The following NSL1 variants were observed in gnomAD, a reference collection of about 807,000 sequenced individuals.
NSL1 encodes NSL1 component of MIS12 kinetochore complex.
A neutral mutation model predicts 25.4 loss-of-function variants in NSL1; 11 were observed. The ratio of observed to expected loss-of-function variants is 0.43; its 90% confidence interval spans 0.27 to 0.72. The LOEUF (loss-of-function observed/expected upper bound fraction) is 0.72. Among genes scored for constraint, NSL1 ranks in the 30% least tolerant of loss-of-function variants. The probability of loss-of-function intolerance (pLI) is 0.19; values close to 1 mark genes in which losing one functional copy is unlikely to be tolerated. For missense variants in NSL1, 330 were observed against 342.7 expected (o/e 0.96, Z 0.29); for synonymous variants, 118 against 120.6 (o/e 0.98, Z 0.14).
intron 4 of NSL1, among the ~76,000 whole-genome samples, chr1:212,744,001 C>T (rs748943954): frequency 1.3e-5 from 2 of 152,088 alleles, no homozygotes; most frequent in Non-Finnish European, 2.9e-5. Context: ...TTGGAACTCT[C>T]TCAGGGTGGA....
At chr1:212,756,340 A>C (rs1395669423) in intron 4 of NSL1, among the ~76,000 whole-genome samples, 2 of 152,226 alleles carry the variant, frequency 1.3e-5, no homozygotes, top group South Asian at 2.1e-4. Context: ...AGCTGGTCTC[A>C]AACTCCTGTG....
At chr1:212,779,574 A>T (rs1409010034) in intron 4 of NSL1, among the ~76,000 whole-genome samples, 8 of 42,900 alleles carry the variant, frequency 1.9e-4, no homozygotes, top group East Asian at 1.7e-3. Context: ...TCAGCCCCCC[A>T]CCCGGCCAGC....
rs1657858212 is a variant in NSL1, at chr1:212,728,025, G to A, written c.*10383C>T. On this transcript the variant is annotated 3_prime_UTR_variant, in exon 6 of 6. Coordinates refer to ENST00000366977, the MANE Select transcript of NSL1 (RefSeq NM_015471.4). The stretch of plus-strand genomic sequence containing the variant: ...GCAGAGTTTGTGGTCAGAAGGCCTC[G>A]CTCTGCTCTACATGGTCTATAGACC... 2 of 985,382 alleles carry A rather than the reference G, an allele frequency of 2.0e-6. No individual in the cohort carries two copies. Among genetic ancestry groups the A allele is most frequent in the Non-Finnish European group, 2.4e-6 (2 of 829,930 alleles). 61.0% of individuals were successfully genotyped at this position (985,382 alleles called of 1,614,324 possible).
At chr1:212,780,056 T>TAGAAAGGGG (rs1250860640) in intron 4 of NSL1, among the ~76,000 whole-genome samples, 2,205 of 151,882 alleles carry the variant, frequency 0.015, 14 homozygotes, top group African/African-American at 0.051. Flanking sequence ...TTTTGTGGAA[T>TAGAAAGGGG]AGAAAGGGGG....
At chr1:212,782,947 C>G (rs1660790598) in intron 3 of NSL1, among the ~76,000 whole-genome samples, 1 of 152,130 alleles carries the variant, frequency 6.6e-6, no homozygotes. Context: ...GAGGAAATTG[C>G]TCTTCCTTAT....
In NSL1 at chr1:212,738,639, G is replaced by A. The variant is rs1239738774; in HGVS notation, c.615C>T (p.Leu205=). The A allele has an allele frequency of 6.2e-7, 1 of 1,614,096 alleles. No individual in the cohort carries two copies. Residue 205 remains leucine, a synonymous_variant, in exon 6 of 6, where the codon CTC becomes CTT. Coordinates refer to ENST00000366977, the MANE Select transcript of NSL1 (RefSeq NM_015471.4). ...IEQGEGFSQV[L]RMQPVIHLQR... ...GGAGGTGGATAACAGGCTGCATCCT[G>A]AGAACTTGGGAAAATCCCTCTCCTT...
intron 1 of NSL1, among the ~76,000 whole-genome samples, chr1:212,790,796 G>A (rs1176701964): frequency 6.6e-6 from 1 of 151,920 alleles, no homozygotes; most frequent in African/African-American, 2.4e-5. Flanking sequence ...GGTGGCAGGC[G>A]CCTGGAGTCC....
chr1:212,753,686 T>C (rs1659168332), intron 4 of NSL1, among the ~76,000 whole-genome samples: 2 of 152,178 alleles, frequency 1.3e-5, no homozygotes, highest in Admixed American at 6.5e-5. Flanking sequence ...CAGTCACTCA[T>C]GATGTATTTA....
At position 212,731,414 on chromosome 1, in the gene NSL1, T is replaced by C; in HGVS notation, c.*6994A>G. On this transcript the variant is annotated 3_prime_UTR_variant, in exon 6 of 6. Transcript: ENST00000366977. Reference sequence around the variant, plus strand: ...CTAAAACAAATAAACTAGCCGGGCATGGTGGCACACGCCTGTTTTGAAACC... The same window carrying C: ...CTAAAACAAATAAACTAGCCGGGCACGGTGGCACACGCCTGTTTTGAAACC... 2 of 985,212 alleles carry C rather than the reference T, an allele frequency of 2.0e-6. No homozygotes were observed. The highest frequency in any genetic ancestry group is 2.4e-6 in the Non-Finnish European group (2 of 829,782). The allele number at this position is 985,212 out of a possible 1,614,324, so 61.0% of individuals were successfully genotyped here.
chr1:212,765,253 T>C (rs906569525), intron 4 of NSL1, among the ~76,000 whole-genome samples: 10 of 152,052 alleles, frequency 6.6e-5, no homozygotes, highest in African/African-American at 2.4e-4. Flanking sequence ...AGTATTACCC[T>C]AATACCAAAA....
At chr1:212,741,894 C>T (rs147412391) in intron 4 of NSL1, among the ~76,000 whole-genome samples, 25 of 152,212 alleles carry the variant, frequency 1.6e-4, no homozygotes, top group African/African-American at 4.8e-4. Context: ...TCCATGATCT[C>T]GGTTAACACA....
chr1:212,731,104 T>C lies in NSL1; in HGVS notation c.*7304A>G. ...CATATAAAATCCCCAAGAACCCCCT[T>C]CAGTGGTTCTCTAGAGAGATATTTT... is the stretch of plus-strand genomic sequence containing the variant. On this transcript the variant is annotated 3_prime_UTR_variant, in exon 6 of 6. Coordinates refer to ENST00000366977, the MANE Select transcript of NSL1 (RefSeq NM_015471.4). 1 of 984,490 alleles carries C rather than the reference T, an allele frequency of 1.0e-6. No individual in the cohort carries two copies. Among genetic ancestry groups the C allele is most frequent in the Non-Finnish European group, 1.2e-6 (1 of 829,368 alleles). The allele number at this position is 984,490 out of a possible 1,614,324, so 61.0% of individuals were successfully genotyped here.
chr1:212,728,028 C>G lies in NSL1; in HGVS notation c.*10380G>C, dbSNP rs138524737. The G allele has an allele frequency of 2.0e-4, 201 of 985,454 alleles. 1 individual carries two copies. The African/African-American group carries it at 3.4e-3, about 17-fold the overall frequency. The allele number at this position is 985,454 out of a possible 1,614,324, so 61.0% of individuals were successfully genotyped here. A position where few individuals can be genotyped will look rare whatever the true frequency, so the allele number is the denominator to read the frequency against. On this transcript the variant is annotated 3_prime_UTR_variant, in exon 6 of 6. Coordinates refer to ENST00000366977, the MANE Select transcript of NSL1 (RefSeq NM_015471.4). ...GAGTTTGTGGTCAGAAGGCCTCGCT[C>G]TGCTCTACATGGTCTATAGACCGCT... is the stretch of plus-strand genomic sequence containing the variant.
In NSL1 at chr1:212,730,917, G is replaced by A. The variant is rs1180377506; in HGVS notation, c.*7491C>T. The A allele has an allele frequency of 2.0e-5, 20 of 985,250 alleles. No individual in the cohort carries two copies. Among genetic ancestry groups the A allele is most frequent in the South Asian group, 4.7e-5 (1 of 21,286 alleles). The allele number at this position is 985,250 out of a possible 1,614,324, so 61.0% of individuals were successfully genotyped here. The stretch of plus-strand genomic sequence containing the variant: ...TGTGAGATTGTGATCCAGGGAAACC[G>A]ACAAGTTAGAAATTTGCAATATGAA... On this transcript the variant is annotated 3_prime_UTR_variant, in exon 6 of 6. Transcript: ENST00000366977.
chr1:212,743,542 C>T (rs1435402654), intron 4 of NSL1, among the ~76,000 whole-genome samples: 1 of 151,594 alleles, frequency 6.6e-6, no homozygotes, highest in Non-Finnish European at 1.5e-5. Flanking sequence ...TCCAAATATA[C>T]TTCATGTATA....
intron 4 of NSL1, among the ~76,000 whole-genome samples, chr1:212,759,785 C>A (rs1295637567): frequency 6.6e-6 from 1 of 152,082 alleles, no homozygotes; most frequent in East Asian, 1.9e-4. Context: ...AACCAGGTCC[C>A]CGGCACTCTA....
Position 212,735,565 on chromosome 1 carries a change from A to G in NSL1, c.*2843T>C, listed in dbSNP as rs746013496. On this transcript the variant is annotated 3_prime_UTR_variant, in exon 6 of 6. Coordinates refer to ENST00000366977, the MANE Select transcript of NSL1 (RefSeq NM_015471.4). The stretch of plus-strand genomic sequence containing the variant: ...TCTGTGGGCTTGTGTTATGGACTCA[A>G]TGTTTGTGTCCCCCTAAAATCTGTA... The G allele has an allele frequency of 1.3e-4, 132 of 984,364 alleles. No individual in the cohort carries two copies. The highest frequency in any genetic ancestry group is 1.5e-4 in the Non-Finnish European group (124 of 829,116). The allele number at this position is 984,364 out of a possible 1,614,324, so 61.0% of individuals were successfully genotyped here. A position where few individuals can be genotyped will look rare whatever the true frequency, so the allele number is the denominator to read the frequency against.
intron 4 of NSL1, among the ~76,000 whole-genome samples, chr1:212,763,019 G>A (rs1247275337): frequency 5.3e-5 from 8 of 152,186 alleles, no homozygotes; most frequent in Non-Finnish European, 8.8e-5. Context: ...CTGGGCGTCC[G>A]GCCTTATGGG....
chr1:212,745,164 A>C (rs201890155), intron 4 of NSL1, among the ~76,000 whole-genome samples: 1,698 of 15,252 alleles, frequency 0.11, 11 homozygotes, highest in Non-Finnish European at 0.19. Flanking sequence ...AACAAACTAT[A>C]TATATATATA....
Sources: gnomAD v4.1 joint callset for allele counts (sites outside exome capture counted in the v4.1 genomes callset) on GRCh38, gnomAD v4.1.1 for gene constraint, MANE v1.5 for transcripts, NCBI Gene and HGNC (gene_info 2026-07-23, HGNC 2026-07-21) for gene names.